Variants in TBC1D5 observed in about 807,000 individuals in gnomAD.
The protein encoded by TBC1D5 is TBC1 domain family, member 5.
Under a neutral mutation model 100.3 loss-of-function variants are expected in TBC1D5, and 75 were observed. The observed-to-expected ratio is 0.75, with a 90% CI of 0.62 to 0.91. The LOEUF (loss-of-function observed/expected upper bound fraction) is 0.91, where lower values mean the gene tolerates loss of function less well. Ranked by LOEUF, TBC1D5 falls within the 40% of genes least tolerant of loss-of-function variation. The probability of loss-of-function intolerance (pLI) is 0.00; values close to 1 mark genes in which losing one functional copy is unlikely to be tolerated. For synonymous variants in TBC1D5, 323 were observed against 325.6 expected, an observed-to-expected ratio of 0.99 and a Z score of 0.09; for missense variants, 910 against 942.4, an observed-to-expected ratio of 0.97 and a Z score of 0.45.
intron 1 of TBC1D5, among the ~76,000 whole-genome samples, chr3:17,667,635 A>G (rs2067419085): frequency 6.6e-6 from 1 of 151,914 alleles, no homozygotes; most frequent in Admixed American, 6.6e-5. Context: ...TATTTTTTGT[A>G]GTGATGGAGT....
chr3:17,656,117 G>A (rs902122650), intron 1 of TBC1D5, among the ~76,000 whole-genome samples: 2 of 152,138 alleles, frequency 1.3e-5, no homozygotes, highest in African/African-American at 2.4e-5. Flanking sequence ...AACTCCTATA[G>A]ACCAGCATAC....
intron 16 of TBC1D5, among the ~76,000 whole-genome samples, chr3:17,249,309 C>T (rs1450114323): frequency 2.6e-5 from 4 of 152,328 alleles, no homozygotes; most frequent in African/African-American, 9.6e-5. Context: ...GCCTTCCTAA[C>T]TAAGCTTCAA....
chr3:17,374,689 G>C lies in TBC1D5; in HGVS notation c.702-10C>G. On this transcript the variant is annotated splice_polypyrimidine_tract_variant and intron_variant, in intron 10 of 21. Transcript: ENST00000253692. ...AGTTTTCATTTCCTCACTTAAAAAAGCAATACAAGCAATCAAAATGTGTAA... is the reference window on the plus strand; with the variant it reads ...AGTTTTCATTTCCTCACTTAAAAAACCAATACAAGCAATCAAAATGTGTAA... 6.2e-7 allele frequency: 1 copy of C among 1,608,842 alleles called. No homozygotes were observed. Among genetic ancestry groups the C allele is most frequent in the Non-Finnish European group, 8.5e-7 (1 of 1,178,568 alleles).
intron 13 of TBC1D5, among the ~76,000 whole-genome samples, chr3:17,329,083 C>G (rs773810467): frequency 4.6e-5 from 7 of 152,198 alleles, no homozygotes; most frequent in Non-Finnish European, 1.0e-4. Context: ...CAAGCACCAC[C>G]TCATGTCACT....
intron 3 of TBC1D5, among the ~76,000 whole-genome samples, chr3:17,458,513 C>G (rs2095138065): frequency 6.6e-6 from 1 of 152,150 alleles, no homozygotes; most frequent in South Asian, 2.1e-4. Context: ...GATATTCATC[C>G]TTTCTCATCA....
chr3:17,655,972 C>G (rs972070286), intron 1 of TBC1D5, among the ~76,000 whole-genome samples: 27 of 152,310 alleles, frequency 1.8e-4, no homozygotes, highest in African/African-American at 6.5e-4. Flanking sequence ...TTAAGCCATA[C>G]AGTCTGTAGT....
chr3:17,702,443 G>T (rs2073344841), intron 1 of TBC1D5: 1 of 152,018 alleles, frequency 6.6e-6, no homozygotes, highest in Non-Finnish European at 1.5e-5. Context: ...TTATAGAACA[G>T]ATATAATAAT....
intron 1 of TBC1D5, among the ~76,000 whole-genome samples, chr3:17,696,809 A>G (rs1339953085): frequency 1.3e-5 from 2 of 152,250 alleles, no homozygotes; most frequent in Non-Finnish European, 2.9e-5. Flanking sequence ...AGAAAAAAAG[A>G]ATTTTAGACC....
At chr3:17,360,637 G>C (rs1426378602) in intron 13 of TBC1D5, among the ~76,000 whole-genome samples, 1 of 151,824 alleles carries the variant, frequency 6.6e-6, no homozygotes, top group Admixed American at 6.6e-5. Context: ...TATGAATTTA[G>C]TGACATATTT....
At chr3:17,433,291 C>T (rs2094477079) in intron 3 of TBC1D5, among the ~76,000 whole-genome samples, 1 of 152,202 alleles carries the variant, frequency 6.6e-6, no homozygotes, top group Non-Finnish European at 1.5e-5. Context: ...AGTCCATTCT[C>T]ACGCTGCTAT....
chr3:17,457,568 T>C (rs2095116503), intron 3 of TBC1D5, among the ~76,000 whole-genome samples: 1 of 152,236 alleles, frequency 6.6e-6, no homozygotes, highest in African/African-American at 2.4e-5. Context: ...ATGTTGAATG[T>C]TGCCCAGCTT....
At chr3:17,181,851 T>G (rs538798843) in intron 19 of TBC1D5, among the ~76,000 whole-genome samples, 4 of 152,348 alleles carry the variant, frequency 2.6e-5, no homozygotes, top group Admixed American at 6.5e-5. Context: ...TTTTATCACC[T>G]AATAATCTAT....
At chr3:17,622,556 G>GA (rs1025431422) in intron 2 of TBC1D5, 24 of 150,990 alleles carry the variant, frequency 1.6e-4, no homozygotes, top group South Asian at 8.4e-4. Flanking sequence ...CATGTTAAAG[G>GA]AAAAAAATTA....
At chr3:17,245,695 A>T (rs2076681889) in intron 16 of TBC1D5, among the ~76,000 whole-genome samples, 1 of 152,244 alleles carries the variant, frequency 6.6e-6, no homozygotes, top group Non-Finnish European at 1.5e-5. Context: ...TTATGTATTA[A>T]TCATGATGCA....
At chr3:17,259,402 T>A (rs2078057240) in intron 15 of TBC1D5, among the ~76,000 whole-genome samples, 1 of 152,202 alleles carries the variant, frequency 6.6e-6, no homozygotes, top group South Asian at 2.1e-4. Context: ...ACAAATATAC[T>A]TCTGCTTTAC....
At chr3:17,689,531 A>AG (rs2070793561) in intron 1 of TBC1D5, among the ~76,000 whole-genome samples, 1 of 151,778 alleles carries the variant, frequency 6.6e-6, no homozygotes, top group Admixed American at 6.6e-5. Flanking sequence ...AAAAAAAAAA[A>AG]AAAAAGAAAA....
intron 13 of TBC1D5, among the ~76,000 whole-genome samples, chr3:17,358,033 TC>T (rs2091372248): frequency 6.6e-6 from 1 of 151,968 alleles, no homozygotes; most frequent in Non-Finnish European, 1.5e-5. Context: ...GTTCTGTACC[TC>T]CCCCCACAAC....
At chr3:17,237,045 T>A (rs1160168987) in intron 17 of TBC1D5, among the ~76,000 whole-genome samples, 1 of 152,184 alleles carries the variant, frequency 6.6e-6, no homozygotes, top group Non-Finnish European at 1.5e-5. Context: ...AGAAACTAAT[T>A]TTGAATGTAA....
intron 4 of TBC1D5, among the ~76,000 whole-genome samples, chr3:17,421,170 T>C (rs2094198570): frequency 2.0e-5 from 3 of 152,204 alleles, no homozygotes; most frequent in Admixed American, 6.5e-5. Context: ...GATACTATCA[T>C]AAAAATAATA....
Sources: allele counts gnomAD v4.1 joint callset (sites outside exome capture counted in the v4.1 genomes callset), GRCh38; gene constraint gnomAD v4.1.1; transcripts MANE v1.5; gene names NCBI Gene and HGNC (gene_info 2026-07-23, HGNC 2026-07-21).